Variants in GPC3 observed in about 807,000 individuals in gnomAD.
The protein encoded by GPC3 is glypican-3.
A neutral mutation model predicts 34.4 loss-of-function variants in GPC3; 3 were observed. The observed-to-expected ratio is 0.09, with a 90% CI of 0.04 to 0.23. The LOEUF (loss-of-function observed/expected upper bound fraction) is 0.23. Among genes scored for constraint, GPC3 ranks in the 10% least tolerant of loss-of-function variants. GPC3 has a pLI of 1.00. For missense variants in GPC3, 351 were observed against 445.6 expected (o/e 0.79, Z 1.91); for synonymous variants, 177 against 174.0 (o/e 1.02, Z -0.13).
chrX:133,573,453 AG>A (rs1180327832), intron 7 of GPC3, among the ~76,000 whole-genome samples: 1 of 112,146 alleles, frequency 8.9e-6, no homozygotes, highest in African/African-American at 3.2e-5. Context: ...CAGATTGGAA[AG>A]GAAGAAGTAG....
At chrX:133,583,460 G>A (rs752177611) in intron 7 of GPC3, among the ~76,000 whole-genome samples, 5 of 111,749 alleles carry the variant, frequency 4.5e-5, no homozygotes, top group African/African-American at 1.6e-4. Context: ...CACCTCCTGG[G>A]TTCAAGCAAT....
At chrX:133,560,059 TG>T (rs1210523688) in intron 7 of GPC3, among the ~76,000 whole-genome samples, 2 of 111,934 alleles carry the variant, frequency 1.8e-5, no homozygotes, top group Admixed American at 9.5e-5. Context: ...CAGGGCCGGA[TG>T]TTCGGAAGGT....
chrX:133,565,687 A>C (rs1417528316), intron 7 of GPC3, among the ~76,000 whole-genome samples: 4 of 112,517 alleles, frequency 3.6e-5, no homozygotes, highest in Non-Finnish European at 7.5e-5. Context: ...GAAACTTCAA[A>C]GGTCCTCATG....
intron 4 of GPC3, among the ~76,000 whole-genome samples, chrX:133,696,014 T>A (rs1254707620): frequency 8.9e-6 from 1 of 111,746 alleles, no homozygotes; most frequent in Admixed American, 9.5e-5. Flanking sequence ...ATTAAATAAA[T>A]CCTGGTTCTC....
At chrX:133,644,536 A>T (rs966415628) in intron 6 of GPC3, among the ~76,000 whole-genome samples, 1 of 111,827 alleles carries the variant, frequency 8.9e-6, no homozygotes, top group Non-Finnish European at 1.9e-5. Flanking sequence ...GTTTTTTCTG[A>T]TTTAAAAAAT....
intron 2 of GPC3, among the ~76,000 whole-genome samples, chrX:133,939,460 T>A (rs1169168443): frequency 8.9e-6 from 1 of 111,924 alleles, no homozygotes; most frequent in African/African-American, 3.2e-5. Context: ...GAAGACTTCA[T>A]GAGCAAGGAA....
At chrX:133,843,516 C>G (rs1190905634) in intron 2 of GPC3, among the ~76,000 whole-genome samples, 3 of 111,520 alleles carry the variant, frequency 2.7e-5, no homozygotes, top group Non-Finnish European at 5.6e-5. Flanking sequence ...CCAGTAGAAT[C>G]ATGAGCCAAT....
At chrX:133,624,044 G>A (rs2070266583) in intron 6 of GPC3, among the ~76,000 whole-genome samples, 1 of 111,955 alleles carries the variant, frequency 8.9e-6, no homozygotes, top group Non-Finnish European at 1.9e-5. Flanking sequence ...TGAACAACCT[G>A]CTCCTGAATG....
rs1009146148 is a variant in GPC3, at chrX:133,655,510, A to C, written c.1413+6220T>G. Among the ~76,000 whole-genome samples the C allele has an allele frequency of 1.2e-3, 132 of 108,806 alleles. 1 individual carries two copies. In the Middle Eastern group the frequency reaches 0.019, roughly 16 times the overall value. The allele number at this position is 108,806 out of a possible 115,157, so 94.5% of individuals were successfully genotyped here. A position where few individuals can be genotyped will look rare whatever the true frequency, so the allele number is the denominator to read the frequency against. ...CACACACACACACACACACACCCAC[A>C]CACACACACACACACACATTCTGGC... On this transcript the variant is annotated intron_variant, in intron 6 of 7. Transcript: ENST00000370818.
At chrX:133,858,566 C>T (rs2075918153) in intron 2 of GPC3, among the ~76,000 whole-genome samples, 1 of 111,435 alleles carries the variant, frequency 9.0e-6, no homozygotes, top group African/African-American at 3.3e-5. Flanking sequence ...GCCACTCTTG[C>T]ATTTACCTGC....
intron 2 of GPC3, among the ~76,000 whole-genome samples, chrX:133,910,266 A>T (rs2076191772): frequency 9.0e-6 from 1 of 111,666 alleles, no homozygotes; most frequent in African/African-American, 3.3e-5. Flanking sequence ...ATTAAAAAAA[A>T]GTAGTGGAAT....
chrX:133,826,351 T>A (rs1434910272), intron 2 of GPC3, among the ~76,000 whole-genome samples: 3 of 111,867 alleles, frequency 2.7e-5, no homozygotes, highest in African/African-American at 9.7e-5. Context: ...ATAATTTTTT[T>A]AAAGAAAAAC....
At chrX:133,891,467 T>C (rs1264380406) in intron 2 of GPC3, among the ~76,000 whole-genome samples, 1 of 110,276 alleles carries the variant, frequency 9.1e-6, no homozygotes. Flanking sequence ...CTCAATAAAG[T>C]TGTCATTTTA....
intron 3 of GPC3, among the ~76,000 whole-genome samples, chrX:133,747,797 G>A (rs2071625663): frequency 8.9e-6 from 1 of 111,912 alleles, no homozygotes; most frequent in African/African-American, 3.3e-5. Flanking sequence ...TTCCTGCAAC[G>A]AATCGTATTT....
At chrX:133,930,931 C>T (rs1218381422) in intron 2 of GPC3, among the ~76,000 whole-genome samples, 3 of 112,214 alleles carry the variant, frequency 2.7e-5, no homozygotes, top group Admixed American at 9.4e-5. Flanking sequence ...CCACCGTGCC[C>T]GGCCACAAAT....
At chrX:133,647,080 G>A (rs919705639) in intron 6 of GPC3, among the ~76,000 whole-genome samples, 7 of 111,685 alleles carry the variant, frequency 6.3e-5, no homozygotes, top group South Asian at 3.8e-4. Flanking sequence ...TTTTGATGGC[G>A]AAAAGAATCC....
At chrX:133,554,312 AT>A (rs756600163) in intron 7 of GPC3, among the ~76,000 whole-genome samples, 601 of 87,924 alleles carry the variant, frequency 6.8e-3, no homozygotes, top group African/African-American at 0.016. Context: ...GTATCTGGCA[AT>A]TTTTTTTTTT....
At chrX:133,865,069 C>A (rs2075960698) in intron 2 of GPC3, among the ~76,000 whole-genome samples, 1 of 111,787 alleles carries the variant, frequency 8.9e-6, no homozygotes, top group Non-Finnish European at 1.9e-5. Context: ...CCAGCTGTTG[C>A]CCTATTTACA....
intron 2 of GPC3, among the ~76,000 whole-genome samples, chrX:133,851,738 T>C (rs1446981060): frequency 1.8e-5 from 2 of 112,344 alleles, no homozygotes; most frequent in Admixed American, 9.5e-5. Flanking sequence ...ATTCTGCTTA[T>C]ATCTCTGCAG....
Sources: gnomAD v4.1 joint callset for allele counts (sites outside exome capture counted in the v4.1 genomes callset) on GRCh38, gnomAD v4.1.1 for gene constraint, MANE v1.5 for transcripts, NCBI Gene and HGNC (gene_info 2026-07-23, HGNC 2026-07-21) for gene names.